Variants in EHBP1 observed in about 807,000 individuals in gnomAD.
EHBP1 encodes the protein EH domain binding protein 1, also known as EH domain-binding protein 1.
A neutral mutation model predicts 144.0 loss-of-function variants in EHBP1; 55 were observed. The observed-to-expected ratio is 0.38, with a 90% CI of 0.31 to 0.48. The LOEUF (loss-of-function observed/expected upper bound fraction) is 0.48. EHBP1 is among the 20% of genes least tolerant of loss of function. EHBP1 has a pLI of 0.98. For missense variants in EHBP1, 1,200 were observed against 1,364.2 expected, an observed-to-expected ratio of 0.88 and a Z score of 1.90; for synonymous variants, 469 against 472.7, an observed-to-expected ratio of 0.99 and a Z score of 0.10.
intron 9 of EHBP1, 87 bp downstream of exon 9, chr2:62,865,058 C>T: frequency 7.1e-7 from 1 of 1,401,838 alleles, no homozygotes; most frequent in Non-Finnish European, 9.8e-7. Context: ...TAGATGGGTA[C>T]AAATCATTAA....
chr2:62,703,920 A>G (rs2034355657), upstream of EHBP1, among the ~76,000 whole-genome samples: 1 of 152,252 alleles, frequency 6.6e-6, no homozygotes, highest in South Asian at 2.1e-4. Flanking sequence ...GAACTTCCAG[A>G]GAACAGTAAT....
chr2:62,854,897 C>T (rs2048927016), intron 7 of EHBP1, among the ~76,000 whole-genome samples: 1 of 152,130 alleles, frequency 6.6e-6, no homozygotes, highest in Non-Finnish European at 1.5e-5. Context: ...GCTGGAGCTC[C>T]CTGGGTGCTA....
chr2:62,997,530 T>C (rs900390660), intron 19 of EHBP1, among the ~76,000 whole-genome samples: 1 of 150,168 alleles, frequency 6.7e-6, no homozygotes, highest in Admixed American at 6.6e-5. Flanking sequence ...AAATCATTCA[T>C]ACCAAATTAT....
intron 4 of EHBP1, among the ~76,000 whole-genome samples, chr2:62,767,751 G>A (rs566575380): frequency 6.6e-6 from 1 of 150,996 alleles, no homozygotes; most frequent in African/African-American, 2.4e-5. Flanking sequence ...TGGGAGGATC[G>A]CTTGAGCCCA....
At chr2:62,933,149 T>G (rs1439482693) in intron 10 of EHBP1, among the ~76,000 whole-genome samples, 1 of 151,726 alleles carries the variant, frequency 6.6e-6, no homozygotes, top group East Asian at 1.9e-4. Context: ...TATATTAAAC[T>G]ATATCACATA....
intron 7 of EHBP1, among the ~76,000 whole-genome samples, chr2:62,849,851 C>T (rs1322863515): frequency 6.6e-6 from 1 of 152,104 alleles, no homozygotes; most frequent in East Asian, 1.9e-4. Flanking sequence ...TATCTATGGT[C>T]ATTAGAGTAG....
At chr2:62,869,828 TCTTTAA>T (rs1219322631) in intron 9 of EHBP1, among the ~76,000 whole-genome samples, 1 of 152,228 alleles carries the variant, frequency 6.6e-6, no homozygotes, top group Non-Finnish European at 1.5e-5. Context: ...AGAACAGCAA[TCTTTAA>T]CTTTAATAGC....
chr2:62,793,808 A>G (rs1304043981), intron 5 of EHBP1, among the ~76,000 whole-genome samples: 6 of 152,130 alleles, frequency 3.9e-5, no homozygotes, highest in African/African-American at 4.8e-5. Flanking sequence ...CAAGAGAGGT[A>G]TAATTTAACT....
At chr2:62,859,331 C>T in intron 8 of EHBP1, 40 bp downstream of exon 8, 1 of 1,556,496 alleles carries the variant, frequency 6.4e-7, no homozygotes, top group Non-Finnish European at 8.7e-7. Context: ...TTTGTATAGT[C>T]AAGTTGACTT....
At chr2:62,969,666 C>A (rs545324728) in intron 14 of EHBP1, among the ~76,000 whole-genome samples, 1 of 152,194 alleles carries the variant, frequency 6.6e-6, no homozygotes, top group East Asian at 1.9e-4. Flanking sequence ...TAAATGTAAT[C>A]CCCAGGGTTG....
At chr2:62,897,227 C>G (rs2053009258) in intron 10 of EHBP1, among the ~76,000 whole-genome samples, 1 of 152,172 alleles carries the variant, frequency 6.6e-6, no homozygotes. Context: ...GGTCTGCCTC[C>G]TTAATTTTGC....
At chr2:62,732,609 C>T (rs772553013) in intron 2 of EHBP1, among the ~76,000 whole-genome samples, 5 of 152,264 alleles carry the variant, frequency 3.3e-5, no homozygotes, top group Admixed American at 6.5e-5. Flanking sequence ...CCATGTAAAA[C>T]GTGCCAGCTT....
At chr2:62,997,808 G>A (rs1276733586) in intron 19 of EHBP1, among the ~76,000 whole-genome samples, 1 of 152,066 alleles carries the variant, frequency 6.6e-6, no homozygotes, top group Non-Finnish European at 1.5e-5. Flanking sequence ...GGAACCTTAG[G>A]CTTTATCTGG....
intron 3 of EHBP1, among the ~76,000 whole-genome samples, chr2:62,754,160 G>A (rs180899160): frequency 1.3e-5 from 2 of 152,318 alleles, no homozygotes; most frequent in African/African-American, 4.8e-5. Flanking sequence ...GTGACATACA[G>A]ATGGGGTTTT....
At chr2:62,729,242 A>G (rs539113803) in intron 2 of EHBP1, among the ~76,000 whole-genome samples, 21 of 141,406 alleles carry the variant, frequency 1.5e-4, no homozygotes, top group South Asian at 1.1e-3. Flanking sequence ...GTGATACACT[A>G]TAGTTTATCC....
chr2:62,788,654 T>C (rs904615214), intron 5 of EHBP1, among the ~76,000 whole-genome samples: 1 of 152,214 alleles, frequency 6.6e-6, no homozygotes, highest in African/African-American at 2.4e-5. Flanking sequence ...GCAATTATTT[T>C]CTGTTATTAC....
rs1412723683 is a variant in EHBP1 at position 63,045,209 on chromosome 2, C to T, written c.3392+29C>T. On this transcript the variant is annotated intron_variant, in intron 22 of 22. Transcript: ENST00000431489. The surrounding 1 kb of genome is among the most constrained non-coding windows in gnomAD (Gnocchi z 5.7). ...AGTGGGCAGTGGGGTCGGGTCGAGG[C>T]TGGGCCACCTGCCGAGGGGCCGAGA... 6.5e-7 allele frequency: 1 copy of T among 1,544,058 alleles called. No homozygotes were observed. Among genetic ancestry groups the T allele is most frequent in the Admixed American group, 1.9e-5 (1 of 52,490 alleles).
intron 7 of EHBP1, among the ~76,000 whole-genome samples, chr2:62,847,989 C>T (rs2048411851): frequency 6.6e-6 from 1 of 151,342 alleles, no homozygotes; most frequent in Admixed American, 6.6e-5. Flanking sequence ...AAGATTGGCA[C>T]TACTAAATGT....
intron 10 of EHBP1, among the ~76,000 whole-genome samples, chr2:62,876,546 T>C (rs2050903039): frequency 6.6e-6 from 1 of 152,166 alleles, no homozygotes; most frequent in Admixed American, 6.5e-5. Context: ...ACATAGACCA[T>C]TGTATTAGTC....
Sources: gnomAD v4.1 joint callset for allele counts (sites outside exome capture counted in the v4.1 genomes callset) on GRCh38, gnomAD v4.1.1 for gene constraint, Gnocchi (gnomAD v3.1) non-coding constraint, MANE v1.5 for transcripts, NCBI Gene and HGNC (gene_info 2026-07-23, HGNC 2026-07-21) for gene names.